ZNF280D: variants seen among roughly 807,000 people sequenced by gnomAD.
ZNF280D encodes zinc finger protein 280D.
In ZNF280D, 39 loss-of-function variants were observed where a neutral mutation model predicts 94.7. The observed-to-expected ratio is 0.41, with a 90% CI of 0.32 to 0.54. ZNF280D has a LOEUF of 0.54. Among genes scored for constraint, ZNF280D ranks in the 20% least tolerant of loss-of-function variants. The pLI, the probability that ZNF280D is intolerant of heterozygous loss-of-function variation, is 0.22. For missense variants in ZNF280D, 1,090 were observed against 1,149.3 expected, an observed-to-expected ratio of 0.95 and a Z score of 0.75; for synonymous variants, 398 against 377.6, an observed-to-expected ratio of 1.05 and a Z score of -0.63.
intron 3 of ZNF280D, among the ~76,000 whole-genome samples, chr15:56,704,918 G>A (rs2057310775): frequency 6.6e-6 from 1 of 152,116 alleles, no homozygotes; most frequent in African/African-American, 2.4e-5. Context: ...AGGAGGTGGA[G>A]GTTGCAGTGA....
At chr15:56,705,430 A>G (rs2057346869) in intron 3 of ZNF280D, among the ~76,000 whole-genome samples, 1 of 152,218 alleles carries the variant, frequency 6.6e-6, no homozygotes, top group Admixed American at 6.5e-5. Context: ...CAAAGAGAGC[A>G]GAGAGCTGAC....
chr15:56,700,223 A>G (rs2056982251), intron 6 of ZNF280D: 2 of 951,952 alleles, frequency 2.1e-6, no homozygotes. Flanking sequence ...GCATATACAT[A>G]TAAACTATGG....
At chr15:56,647,750 C>T (rs924193583) in intron 19 of ZNF280D, among the ~76,000 whole-genome samples, 3 of 152,050 alleles carry the variant, frequency 2.0e-5, no homozygotes, top group African/African-American at 7.3e-5. Context: ...AGGCTGGTCT[C>T]GAACTCTTGA....
chr15:56,700,681 T>A, intron 6 of ZNF280D: 1 of 1,409,746 alleles, frequency 7.1e-7, no homozygotes, highest in Non-Finnish European at 9.2e-7. Context: ...CACATTTTGA[T>A]AGTATAGTTT....
chr15:56,683,393 G>C (rs2055773439), intron 9 of ZNF280D, among the ~76,000 whole-genome samples: 1 of 152,110 alleles, frequency 6.6e-6, no homozygotes, highest in Non-Finnish European at 1.5e-5. Context: ...AAGCTACGGA[G>C]GGGCATAGCT....
intron 13 of ZNF280D, among the ~76,000 whole-genome samples, chr15:56,670,009 A>ATATATATATATATTAT (rs56365440): frequency 3.4e-4 from 1 of 2,978 alleles, no homozygotes; most frequent in African/African-American, 1.9e-3. Context: ...ATATATATAT[A>ATATATATATATATTAT]ATATATATAT....
chr15:56,690,958 C>T (rs1408625873), intron 7 of ZNF280D, among the ~76,000 whole-genome samples: 2 of 152,108 alleles, frequency 1.3e-5, no homozygotes, highest in Non-Finnish European at 2.9e-5. Context: ...TTGTCACTCT[C>T]TAGTCTAGTT....
chr15:56,684,638 TGAA>T (rs1382056202), intron 9 of ZNF280D, among the ~76,000 whole-genome samples: 17 of 150,724 alleles, frequency 1.1e-4, no homozygotes, highest in Non-Finnish European at 2.1e-4. Flanking sequence ...ATCAGAGACA[TGAA>T]GACAAATTAG....
At position 56,668,904 on chromosome 15, in the gene ZNF280D, C is replaced by T; in HGVS notation, c.1464G>A (p.Lys488=). 6.2e-7 allele frequency: 1 copy of T among 1,611,536 alleles called. No homozygotes were observed. Among genetic ancestry groups the T allele is most frequent in the Non-Finnish European group, 8.5e-7 (1 of 1,178,772 alleles). The change falls in exon 14 of 22, where the codon AAG becomes AAA. Residue 488 remains lysine (K), a synonymous_variant. Coordinates refer to ENST00000267807, the MANE Select transcript of ZNF280D (RefSeq NM_017661.4). ...TKCRLQFLTC[K]EKMDHKTQHH... Reference sequence around the variant, plus strand: ...GTTGAGTCTTATGATCCATTTTCTCCTTGCATGTCAAAAACTGCAGCCTGC... The same window carrying T: ...GTTGAGTCTTATGATCCATTTTCTCTTTGCATGTCAAAAACTGCAGCCTGC...
chr15:56,656,965 T>G (rs551808269), intron 17 of ZNF280D, among the ~76,000 whole-genome samples: 1 of 152,108 alleles, frequency 6.6e-6, no homozygotes, highest in Admixed American at 6.5e-5. Flanking sequence ...CCATACAATA[T>G]CTGGGGGAAA....
At chr15:56,701,442 T>C (rs1008146711) in intron 4 of ZNF280D, among the ~76,000 whole-genome samples, 6 of 152,218 alleles carry the variant, frequency 3.9e-5, no homozygotes, top group African/African-American at 1.4e-4. Flanking sequence ...AGGTTTTGTT[T>C]TACAGACTAA....
chr15:56,666,505 C>T lies in ZNF280D; in HGVS notation c.1884G>A (p.Glu628=), dbSNP rs1268866075. 1 of 1,599,364 alleles carries T rather than the reference C, an allele frequency of 6.3e-7. No individual in the cohort carries two copies. Residue 628 remains glutamate, a synonymous_variant, in exon 16 of 22, where the codon GAG becomes GAA. Coordinates refer to ENST00000267807, the MANE Select transcript of ZNF280D (RefSeq NM_017661.4). ...RYRRGIHKCI[E]CCSEIKDFAN... is the part of the protein sequence containing the mutation. ...CAAAATCTTTTATTTCGGAACAACACTCAATGCATTTGTGAATGCCCCGAC... is the reference window on the plus strand; with the variant it reads ...CAAAATCTTTTATTTCGGAACAACATTCAATGCATTTGTGAATGCCCCGAC...
intron 1 of ZNF280D, among the ~76,000 whole-genome samples, chr15:56,708,455 A>G (rs1027942371): frequency 2.0e-5 from 3 of 152,236 alleles, no homozygotes; most frequent in Non-Finnish European, 2.9e-5. Context: ...AGGACTTATC[A>G]ATACCAGGAA....
intron 6 of ZNF280D, among the ~76,000 whole-genome samples, chr15:56,694,825 T>C (rs809459): frequency 0.22 from 32,756 of 151,976 alleles, 3,658 homozygotes; most frequent in African/African-American, 0.26. Context: ...GAAATTCCAG[T>C]AAAGTCTATA....
At chr15:56,673,662 C>A (rs1181664737) in intron 13 of ZNF280D, among the ~76,000 whole-genome samples, 1 of 151,992 alleles carries the variant, frequency 6.6e-6, no homozygotes, top group Non-Finnish European at 1.5e-5. Flanking sequence ...CAAAGCTCCA[C>A]ATGAATTGGC....
At chr15:56,729,081 G>A (rs539621674) in intron 1 of ZNF280D, among the ~76,000 whole-genome samples, 1 of 152,196 alleles carries the variant, frequency 6.6e-6, no homozygotes, top group South Asian at 2.1e-4. Context: ...ATTTCAGGTA[G>A]AAATACCTTC....
chr15:56,654,860 C>T (rs531395716), intron 17 of ZNF280D: 13 of 459,850 alleles, frequency 2.8e-5, no homozygotes, highest in African/African-American at 1.2e-4. Flanking sequence ...GTGAACATAG[C>T]GTATTCATTC....
intron 1 of ZNF280D, among the ~76,000 whole-genome samples, chr15:56,709,082 T>G (rs1342356861): frequency 6.6e-6 from 1 of 152,008 alleles, no homozygotes; most frequent in African/African-American, 2.4e-5. Flanking sequence ...ACCTACAGAT[T>G]GGGAGAAAAT....
At chr15:56,716,454 G>A (rs1242802987) in intron 1 of ZNF280D, among the ~76,000 whole-genome samples, 3 of 151,342 alleles carry the variant, frequency 2.0e-5, no homozygotes, top group African/African-American at 7.3e-5. Flanking sequence ...AAAGACCTAT[G>A]GCAGAAGATA....
Sources: allele counts gnomAD v4.1 joint callset (sites outside exome capture counted in the v4.1 genomes callset), GRCh38; gene constraint gnomAD v4.1.1; transcripts MANE v1.5; gene names NCBI Gene and HGNC (gene_info 2026-07-23, HGNC 2026-07-21).